Variants in NPAS2 observed in about 807,000 individuals in gnomAD.
The protein encoded by NPAS2 is neuronal PAS domain-containing protein 2.
A neutral mutation model predicts 107.5 loss-of-function variants in NPAS2; 23 were observed. The observed-to-expected ratio is 0.21, with a 90% CI of 0.15 to 0.30. The LOEUF (loss-of-function observed/expected upper bound fraction) is 0.30. NPAS2 is among the 10% of genes least tolerant of loss of function. The probability of loss-of-function intolerance (pLI) is 1.00; values close to 1 mark genes in which losing one functional copy is unlikely to be tolerated. For synonymous variants in NPAS2, 403 were observed against 417.5 expected, an observed-to-expected ratio of 0.97 and a Z score of 0.42; for missense variants, 756 against 1,043.3, an observed-to-expected ratio of 0.72 and a Z score of 3.79.
chr2:100,846,595 A>G (rs772099062), intron 1 of NPAS2, among the ~76,000 whole-genome samples: 3 of 152,228 alleles, frequency 2.0e-5, no homozygotes, highest in Non-Finnish European at 4.4e-5. Flanking sequence ...TGTCACTGAA[A>G]GAACAATTAT....
chr2:100,988,510 C>T (rs1485583489), intron 17 of NPAS2: 3 of 538,136 alleles, frequency 5.6e-6, no homozygotes, highest in Non-Finnish European at 6.7e-6. Flanking sequence ...CACCTCAGTC[C>T]CTTGCTCTCG....
Position 100,920,539 on chromosome 2 carries a change from A to G in NPAS2, c.33-4607A>G, listed in dbSNP as rs78361044. Among the ~76,000 whole-genome samples the G allele has an allele frequency of 4.7e-4, 71 of 152,078 alleles. No individual in the cohort carries two copies. In the East Asian group the frequency reaches 0.013, roughly 27 times the overall value. ...GTGCCTTTCTGCTCAATCCCCTACT[A>G]TGTGTATCCAGATAGACTAGTTGGG... is the stretch of plus-strand genomic sequence containing the variant. On this transcript the variant is annotated intron_variant, in intron 2 of 20. Coordinates refer to ENST00000335681, the MANE Select transcript of NPAS2 (RefSeq NM_002518.4).
intron 1 of NPAS2, among the ~76,000 whole-genome samples, chr2:100,895,508 T>G (rs543469536): frequency 2.0e-5 from 3 of 152,332 alleles, no homozygotes; most frequent in East Asian, 3.9e-4. Flanking sequence ...TTCACAGATG[T>G]GGATGCTGGA....
chr2:100,949,473 C>T lies in NPAS2; in HGVS notation c.591C>T (p.Tyr197=), dbSNP rs1675096620. ...YIKFVGNFRS[Y]NNVPSPSCNG... ...AATTTGTAGGAAATTTTCGCTCTTA[C>T]AACAATGGTAAGCTTTAATTGTCAT... is the stretch of plus-strand genomic sequence containing the variant. Residue 197 remains tyrosine (Y), a synonymous_variant, in exon 7 of 21, where the codon TAC becomes TAT. Transcript: ENST00000335681. 1 of 1,550,078 alleles carries T rather than the reference C, an allele frequency of 6.5e-7. No homozygotes were observed. Among genetic ancestry groups the T allele is most frequent in the Non-Finnish European group, 8.9e-7 (1 of 1,122,058 alleles).
Position 100,921,511 on chromosome 2 carries a change from C to G in NPAS2, c.33-3635C>G, listed in dbSNP as rs1367340453. The stretch of plus-strand genomic sequence containing the variant: ...TATCCATGTATATTTAAAACACACA[C>G]ATACCTTCCCTTCCTCCCTCCCTTG... On this transcript the variant is annotated intron_variant, in intron 2 of 20. Transcript: ENST00000335681. Among the ~76,000 whole-genome samples the G allele has an allele frequency of 2.6e-5, 4 of 152,164 alleles. No homozygotes were observed. The South Asian group carries it at 8.3e-4, about 32-fold the overall frequency.
At chr2:100,929,275 G>C (rs1683786520) in intron 3 of NPAS2, among the ~76,000 whole-genome samples, 1 of 152,174 alleles carries the variant, frequency 6.6e-6, no homozygotes, top group Non-Finnish European at 1.5e-5. Flanking sequence ...ATCCAAGTCA[G>C]ACAGCCAGGA....
At chr2:100,886,015 A>C (rs906955290) in intron 1 of NPAS2, among the ~76,000 whole-genome samples, 24 of 152,384 alleles carry the variant, frequency 1.6e-4, no homozygotes, top group Admixed American at 1.1e-3. Flanking sequence ...TTGGCTAGAC[A>C]TGTAAAATCA....
chr2:100,960,888 G>GTGCAGGACACC lies in NPAS2; in HGVS notation c.599-3167_599-3166insAGGACACCTGC, dbSNP rs140129845. Among the ~76,000 whole-genome samples the GTGCAGGACACC allele has an allele frequency of 1.4e-3, 209 of 152,328 alleles. 5 individuals are homozygous for GTGCAGGACACC. In the East Asian group the frequency reaches 0.033, roughly 24 times the overall value. Reference sequence around the variant, plus strand: ...TAAACACATGTTGAGCACTTGTTGTGTGCTCAGAGGTGGAGACAGAGAATG... The same window carrying GTGCAGGACACC: ...TAAACACATGTTGAGCACTTGTTGTGTGCAGGACACCTGCTCAGAGGTGGAGACAGAGAATG... On this transcript the variant is annotated intron_variant, in intron 7 of 20. Transcript: ENST00000335681.
chr2:100,865,288 G>T (rs1201490106), intron 1 of NPAS2, among the ~76,000 whole-genome samples: 2 of 152,194 alleles, frequency 1.3e-5, no homozygotes, highest in Non-Finnish European at 2.9e-5. Flanking sequence ...TTGGGAGTCC[G>T]TGGGAGGAAG....
At chr2:100,852,699 T>C (rs1437701179) in intron 1 of NPAS2, among the ~76,000 whole-genome samples, 1 of 152,034 alleles carries the variant, frequency 6.6e-6, no homozygotes, top group Non-Finnish European at 1.5e-5. Context: ...GCCTCTACAT[T>C]GCAAGAGAGA....
intron 1 of NPAS2, among the ~76,000 whole-genome samples, chr2:100,843,655 A>G (rs1266613102): frequency 2.6e-5 from 4 of 152,178 alleles, no homozygotes; most frequent in Admixed American, 6.5e-5. Flanking sequence ...AGAAACATAA[A>G]ATGCTTTCCA....
At chr2:100,838,076 G>A (rs1349887538) in intron 1 of NPAS2, among the ~76,000 whole-genome samples, 1 of 151,954 alleles carries the variant, frequency 6.6e-6, no homozygotes, top group East Asian at 1.9e-4. Context: ...GTCTTTCAGT[G>A]GCAGTGTTAA....
intron 2 of NPAS2, among the ~76,000 whole-genome samples, chr2:100,910,638 C>T (rs1464921847): frequency 6.6e-6 from 1 of 151,888 alleles, no homozygotes; most frequent in Non-Finnish European, 1.5e-5. Context: ...AAGTGATTCT[C>T]CTCCCACAGC....
chr2:100,926,911 A>T (rs1023899304), intron 3 of NPAS2, among the ~76,000 whole-genome samples: 3 of 150,672 alleles, frequency 2.0e-5, no homozygotes, highest in Non-Finnish European at 4.4e-5. Flanking sequence ...TTCTTCTAAA[A>T]GGTTTATAAC....
chr2:100,909,351 G>A (rs761973042), intron 2 of NPAS2, among the ~76,000 whole-genome samples: 4 of 152,236 alleles, frequency 2.6e-5, no homozygotes, highest in Admixed American at 2.0e-4. Context: ...ATCGAAATTT[G>A]TAAACTCAAC....
intron 4 of NPAS2, 132 bp downstream of exon 4, chr2:100,933,133 T>G (rs1684072771): frequency 1.7e-5 from 11 of 642,512 alleles, no homozygotes; most frequent in Non-Finnish European, 3.0e-5. Context: ...AACAGATACC[T>G]CCCTGAGGCT....
chr2:100,892,223 C>T (rs933301225), intron 1 of NPAS2, among the ~76,000 whole-genome samples: 1 of 152,150 alleles, frequency 6.6e-6, no homozygotes, highest in Non-Finnish European at 1.5e-5. Flanking sequence ...ATATCATGGC[C>T]GTTTCTATCT....
At chr2:100,957,439 G>A (rs1410294632) in intron 7 of NPAS2, among the ~76,000 whole-genome samples, 1 of 152,202 alleles carries the variant, frequency 6.6e-6, no homozygotes, top group Non-Finnish European at 1.5e-5. Flanking sequence ...TTTATTTAGG[G>A]CTATGTTTGC....
At chr2:100,851,222 G>A (rs1235799366) in intron 1 of NPAS2, among the ~76,000 whole-genome samples, 4 of 152,166 alleles carry the variant, frequency 2.6e-5, no homozygotes, top group East Asian at 3.8e-4. Flanking sequence ...AGTTCTGGAC[G>A]TAGTTTACAC....
Sources: gnomAD v4.1 joint callset for allele counts (sites outside exome capture counted in the v4.1 genomes callset) on GRCh38, gnomAD v4.1.1 for gene constraint, MANE v1.5 for transcripts, NCBI Gene and HGNC (gene_info 2026-07-23, HGNC 2026-07-21) for gene names.